Variants in DLG2 observed in about 807,000 individuals in gnomAD.
DLG2 encodes the protein disks large homolog 2.
A neutral mutation model predicts 132.5 loss-of-function variants in DLG2; 45 were observed. The ratio of observed to expected loss-of-function variants is 0.34; its 90% CI spans 0.27 to 0.44. The LOEUF (loss-of-function observed/expected upper bound fraction) is 0.44, where lower values mean the gene tolerates loss of function less well. Among genes scored for constraint, DLG2 ranks in the 20% least tolerant of loss-of-function variants. The probability of loss-of-function intolerance (pLI) is 1.00; values close to 1 mark genes in which losing one functional copy is unlikely to be tolerated. For missense variants in DLG2, 1,045 were observed against 1,196.9 expected, an observed-to-expected ratio of 0.87 and a Z score of 1.87; for synonymous variants, 424 against 419.6, an observed-to-expected ratio of 1.01 and a Z score of -0.13.
intron 8 of DLG2, among the ~76,000 whole-genome samples, chr11:84,211,794 T>C (rs2096758768): frequency 6.6e-6 from 1 of 152,206 alleles, no homozygotes; most frequent in Admixed American, 6.5e-5. Flanking sequence ...GAAAAATCCC[T>C]TTTGTTAAAG....
At chr11:85,146,255 T>C (rs2076848740) in intron 5 of DLG2, among the ~76,000 whole-genome samples, 1 of 151,582 alleles carries the variant, frequency 6.6e-6, no homozygotes, top group Non-Finnish European at 1.5e-5. Context: ...TCTCTCTCTC[T>C]CTCTCTCTCC....
At chr11:84,622,990 AGCCTCCAATCTAGTGCAG>A (rs2099616498) in intron 6 of DLG2, among the ~76,000 whole-genome samples, 1 of 152,140 alleles carries the variant, frequency 6.6e-6, no homozygotes, top group South Asian at 2.1e-4. Flanking sequence ...TTAGTTTCAT[AGCCTCCAATCTAGTGCAG>A]GCCCTTATTA....
At chr11:85,323,249 G>C (rs1376005915) in intron 3 of DLG2, among the ~76,000 whole-genome samples, 1 of 152,164 alleles carries the variant, frequency 6.6e-6, no homozygotes, top group Non-Finnish European at 1.5e-5. Context: ...AATATTGTCA[G>C]CTGAAATATC....
intron 18 of DLG2, among the ~76,000 whole-genome samples, chr11:83,712,973 G>C (rs2085821833): frequency 6.9e-6 from 1 of 145,174 alleles, no homozygotes; most frequent in Non-Finnish European, 1.5e-5. Flanking sequence ...TAAAATAAAA[G>C]TTGAAAAAAA....
intron 21 of DLG2, 59 bp downstream of exon 21, chr11:83,532,649 A>AG: frequency 6.7e-7 from 1 of 1,485,164 alleles, no homozygotes; most frequent in Non-Finnish European, 9.4e-7. Context: ...AAATGTGTTA[A>AG]TTATAGTTAA....
intron 3 of DLG2, among the ~76,000 whole-genome samples, chr11:85,578,135 T>C (rs1320995597): frequency 6.6e-6 from 1 of 152,070 alleles, no homozygotes; most frequent in African/African-American, 2.4e-5. Flanking sequence ...AAACAAGCAA[T>C]GGGGAAGGGA....
chr11:84,474,435 C>T (rs2099116366), intron 7 of DLG2, among the ~76,000 whole-genome samples: 1 of 152,048 alleles, frequency 6.6e-6, no homozygotes, highest in East Asian at 1.9e-4. Context: ...ATTGTGACTC[C>T]TCTAAGGATG....
chr11:85,156,037 G>A (rs1029521854), intron 4 of DLG2, among the ~76,000 whole-genome samples: 39 of 151,958 alleles, frequency 2.6e-4, no homozygotes, highest in African/African-American at 9.4e-4. Context: ...AAAAGGAGTG[G>A]GTGAACAGAA....
chr11:83,877,752 A>ACCT (rs1379300945), intron 15 of DLG2, among the ~76,000 whole-genome samples: 4 of 152,174 alleles, frequency 2.6e-5, no homozygotes, highest in South Asian at 2.1e-4. Context: ...TAAGATAAAT[A>ACCT]GAGTCAAGAC....
At chr11:84,551,664 A>G (rs2099402103) in intron 6 of DLG2, among the ~76,000 whole-genome samples, 2 of 152,218 alleles carry the variant, frequency 1.3e-5, no homozygotes, top group African/African-American at 2.4e-5. Flanking sequence ...TTTATACCTC[A>G]TTATCCTTGT....
At chr11:83,978,475 G>A (rs934047450) in intron 12 of DLG2, among the ~76,000 whole-genome samples, 2 of 152,046 alleles carry the variant, frequency 1.3e-5, no homozygotes, top group African/African-American at 4.8e-5. Flanking sequence ...ATTCCAGAAA[G>A]AAGTTGTTCA....
chr11:84,227,584 T>C (rs547678816), intron 8 of DLG2, among the ~76,000 whole-genome samples: 1 of 152,290 alleles, frequency 6.6e-6, no homozygotes, highest in East Asian at 1.9e-4. Context: ...TATCTCAGTA[T>C]TTCAACAGCT....
chr11:84,385,039 G>T (rs2098763830), intron 7 of DLG2, among the ~76,000 whole-genome samples: 1 of 152,014 alleles, frequency 6.6e-6, no homozygotes, highest in Non-Finnish European at 1.5e-5. Context: ...TGTATTTAAA[G>T]AAAAACTCTT....
intron 3 of DLG2, among the ~76,000 whole-genome samples, chr11:85,401,012 G>A (rs2088032033): frequency 6.7e-6 from 1 of 149,198 alleles, no homozygotes; most frequent in Non-Finnish European, 1.5e-5. Context: ...TGATACCAAA[G>A]CCTGGCAGAG....
chr11:84,487,973 G>A (rs2099155209), intron 7 of DLG2, among the ~76,000 whole-genome samples: 1 of 152,096 alleles, frequency 6.6e-6, no homozygotes, highest in Non-Finnish European at 1.5e-5. Context: ...TGGATCAGAG[G>A]TAGAATTGGA....
At chr11:83,601,687 T>C (rs2058590744) in intron 19 of DLG2, among the ~76,000 whole-genome samples, 1 of 151,370 alleles carries the variant, frequency 6.6e-6, no homozygotes, top group Non-Finnish European at 1.5e-5. Context: ...AATTTTTGTA[T>C]ATATTTCTTT....
At position 84,785,695 on chromosome 11, in the gene DLG2, T is replaced by C. The variant is rs543631916; in HGVS notation, c.358-250964A>G. Among the ~76,000 whole-genome samples the C allele has an allele frequency of 2.4e-4, 37 of 152,236 alleles. 1 individual carries two copies. Among genetic ancestry groups the C allele is most frequent in the Middle Eastern group, 6.8e-3 (2 of 294 alleles). On this transcript the variant is annotated intron_variant, in intron 6 of 27. Coordinates refer to ENST00000376104, the MANE Select transcript of DLG2 (RefSeq NM_001142699.3). ...TCCCTAGTATTTCCAAATCTAGTAA[T>C]CAGGTGATTTTTAAATAATATCTTT... is the stretch of plus-strand genomic sequence containing the variant.
intron 18 of DLG2, among the ~76,000 whole-genome samples, chr11:83,785,271 G>C (rs1383469840): frequency 6.6e-6 from 1 of 152,018 alleles, no homozygotes; most frequent in Admixed American, 6.5e-5. Flanking sequence ...AGCCAGGATG[G>C]TCTCGATCTC....
chr11:84,392,135 T>A (rs2098794667), intron 7 of DLG2, among the ~76,000 whole-genome samples: 1 of 152,182 alleles, frequency 6.6e-6, no homozygotes, highest in Non-Finnish European at 1.5e-5. Context: ...AGGGAAGCTT[T>A]CCTTTACACC....
Sources: allele counts gnomAD v4.1 joint callset (sites outside exome capture counted in the v4.1 genomes callset), GRCh38; gene constraint gnomAD v4.1.1; transcripts MANE v1.5; gene names NCBI Gene and HGNC (gene_info 2026-07-23, HGNC 2026-07-21).